The following ROBO1 variants were observed in gnomAD, a reference collection of about 807,000 sequenced individuals.
ROBO1 encodes roundabout homolog 1.
In ROBO1, 149 loss-of-function variants were observed where a neutral mutation model predicts 195.9. The ratio of observed to expected loss-of-function variants is 0.76; its 90% CI spans 0.67 to 0.87. ROBO1 has a LOEUF of 0.87. Among genes scored for constraint, ROBO1 ranks in the 40% least tolerant of loss-of-function variants. The probability of loss-of-function intolerance (pLI) is 0.00; values close to 1 mark genes in which losing one functional copy is unlikely to be tolerated. For missense variants in ROBO1, 1,933 were observed against 2,068.3 expected (o/e 0.93, Z 1.27); for synonymous variants, 816 against 733.2 (o/e 1.11, Z -1.82).
At chr3:79,017,120 C>T (rs1364356682) in intron 3 of ROBO1, among the ~76,000 whole-genome samples, 1 of 152,104 alleles carries the variant, frequency 6.6e-6, no homozygotes, top group African/African-American at 2.4e-5. Context: ...AAAGAAGTAA[C>T]AATTTAATAA....
intron 3 of ROBO1, among the ~76,000 whole-genome samples, chr3:78,945,514 T>A (rs747175597): frequency 6.6e-6 from 1 of 152,004 alleles, no homozygotes; most frequent in African/African-American, 2.4e-5. Context: ...CAAAAACCCA[T>A]CTGTACCTCA....
intron 2 of ROBO1, among the ~76,000 whole-genome samples, chr3:79,400,044 C>A (rs12497294): frequency 0.37 from 56,138 of 151,848 alleles, 10,961 homozygotes; most frequent in Admixed American, 0.5. Flanking sequence ...CATTCAGAAA[C>A]GCTTGCTGTG....
At chr3:78,982,968 C>G (rs2077031760) in intron 3 of ROBO1, among the ~76,000 whole-genome samples, 2 of 151,770 alleles carry the variant, frequency 1.3e-5, no homozygotes, top group Admixed American at 1.3e-4. Flanking sequence ...AGTGGAGTGG[C>G]ATGATCATGG....
At chr3:79,513,874 T>G (rs989371834) in intron 2 of ROBO1, among the ~76,000 whole-genome samples, 3 of 152,192 alleles carry the variant, frequency 2.0e-5, no homozygotes, top group African/African-American at 7.2e-5. Context: ...TGCTAAAATA[T>G]CCCCAAGAAA....
At chr3:79,153,554 A>C (rs369583173) in intron 2 of ROBO1, among the ~76,000 whole-genome samples, 2 of 151,552 alleles carry the variant, frequency 1.3e-5, no homozygotes, top group African/African-American at 2.4e-5. Flanking sequence ...TAGAGAAGGA[A>C]TATTGCTATG....
chr3:79,568,231 G>T (rs75317926), intron 2 of ROBO1, among the ~76,000 whole-genome samples: 13 of 152,204 alleles, frequency 8.5e-5, no homozygotes, highest in African/African-American at 3.1e-4. Context: ...TTGAAGCAAA[G>T]ATAAATGATT....
intron 2 of ROBO1, among the ~76,000 whole-genome samples, chr3:79,346,072 T>C (rs1276008709): frequency 6.6e-6 from 1 of 152,162 alleles, no homozygotes; most frequent in Non-Finnish European, 1.5e-5. Flanking sequence ...GTCAATTTTA[T>C]ATATCAAATC....
At chr3:79,603,860 T>C (rs953653143) in intron 1 of ROBO1, among the ~76,000 whole-genome samples, 4 of 151,994 alleles carry the variant, frequency 2.6e-5, no homozygotes, top group African/African-American at 7.2e-5. Context: ...GTGTAGTGGC[T>C]GCTTGTATAG....
At chr3:79,197,768 T>C (rs1380993489) in intron 2 of ROBO1, among the ~76,000 whole-genome samples, 1 of 152,160 alleles carries the variant, frequency 6.6e-6, no homozygotes, top group Admixed American at 6.6e-5. Context: ...GTGGTTTTGA[T>C]TTGCATTTCT....
chr3:79,620,921 A>T (rs757273196), intron 1 of ROBO1, among the ~76,000 whole-genome samples: 2 of 152,104 alleles, frequency 1.3e-5, no homozygotes, highest in African/African-American at 2.4e-5. Context: ...CAGAAACTGG[A>T]CAAATCTTAC....
At chr3:79,259,838 C>T (rs2082907100) in intron 2 of ROBO1, among the ~76,000 whole-genome samples, 1 of 152,134 alleles carries the variant, frequency 6.6e-6, no homozygotes, top group African/African-American at 2.4e-5. Flanking sequence ...CTGCTATCTC[C>T]AATCCCTGAT....
At chr3:79,244,030 G>T (rs1257042306) in intron 2 of ROBO1, among the ~76,000 whole-genome samples, 1 of 152,132 alleles carries the variant, frequency 6.6e-6, no homozygotes, top group East Asian at 1.9e-4. Context: ...AAGGGATCCA[G>T]TTTCAGCTTT....
At chr3:78,626,638 G>A (rs927400900) in intron 26 of ROBO1, among the ~76,000 whole-genome samples, 1 of 151,986 alleles carries the variant, frequency 6.6e-6, no homozygotes, top group African/African-American at 2.4e-5. Flanking sequence ...AATGGTGCAG[G>A]AACAGCTTTT....
intron 2 of ROBO1, among the ~76,000 whole-genome samples, chr3:79,475,645 TAAG>T (rs1312506080): frequency 6.6e-6 from 1 of 152,088 alleles, no homozygotes; most frequent in Non-Finnish European, 1.5e-5. Flanking sequence ...GTGACAGTAG[TAAG>T]GAGGATGATT....
At chr3:79,306,592 C>T (rs1488105506) in intron 2 of ROBO1, among the ~76,000 whole-genome samples, 2 of 152,114 alleles carry the variant, frequency 1.3e-5, no homozygotes, top group South Asian at 2.1e-4. Context: ...CAAAGTGCTC[C>T]GCAAGCACAG....
intron 2 of ROBO1, chr3:79,527,945 C>T (rs1189654880): frequency 1.3e-5 from 2 of 152,310 alleles, no homozygotes; most frequent in Non-Finnish European, 2.9e-5. Context: ...AATCGGGCCC[C>T]TCTACAAGGT....
intron 2 of ROBO1, among the ~76,000 whole-genome samples, chr3:79,397,028 T>A (rs2037181219): frequency 6.6e-6 from 1 of 152,102 alleles, no homozygotes; most frequent in Non-Finnish European, 1.5e-5. Context: ...ATTTAGTCTA[T>A]CTGTCATTCA....
intron 3 of ROBO1, among the ~76,000 whole-genome samples, chr3:79,019,859 T>A (rs936280473): frequency 2.7e-5 from 4 of 146,936 alleles, no homozygotes; most frequent in African/African-American, 5.0e-5. Context: ...CATTCCCATT[T>A]AAAAAAAAAA....
intron 2 of ROBO1, among the ~76,000 whole-genome samples, chr3:79,275,264 T>C (rs904945855): frequency 7.2e-5 from 11 of 151,782 alleles, no homozygotes; most frequent in African/African-American, 2.2e-4. Flanking sequence ...TTCAACAACA[T>C]ATAAAAGATC....
Sources: gnomAD v4.1 joint callset for allele counts (sites outside exome capture counted in the v4.1 genomes callset) on GRCh38, gnomAD v4.1.1 for gene constraint, MANE v1.5 for transcripts, NCBI Gene and HGNC (gene_info 2026-07-23, HGNC 2026-07-21) for gene names.